AGRN: variants seen among roughly 807,000 people sequenced by gnomAD.
The protein encoded by AGRN is agrin proteoglycan.
In AGRN, 106 loss-of-function variants were observed where a neutral mutation model predicts 211.0. The observed-to-expected ratio is 0.50, with a 90% CI of 0.43 to 0.59. The LOEUF (loss-of-function observed/expected upper bound fraction) is 0.59, where lower values mean the gene tolerates loss of function less well. AGRN is among the 20% of genes least tolerant of loss of function. The pLI, the probability that AGRN is intolerant of heterozygous loss-of-function variation, is 0.00. For missense variants in AGRN, 3,040 were observed against 2,982.6 expected, an observed-to-expected ratio of 1.02 and a Z score of -0.45; for synonymous variants, 1,525 against 1,332.5, an observed-to-expected ratio of 1.14 and a Z score of -3.15.
At chr1:1,049,085 G>GCGATGGTCCTGA (rs1645191102) in intron 24 of AGRN, 26 bp downstream of exon 24, 2 of 1,430,996 alleles carry the variant, frequency 1.4e-6, no homozygotes, top group Non-Finnish European at 9.3e-7. Flanking sequence ...ACGGGGCCGG[G>GCGATGGTCCTGA]GCAGCTCAGG....
intron 2 of AGRN, among the ~76,000 whole-genome samples, chr1:1,029,850 C>CTG: frequency 1.5e-5 from 1 of 65,414 alleles, no homozygotes; most frequent in Non-Finnish European, 3.1e-5. Flanking sequence ...GTGCATGGTG[C>CTG]TGTGAGATCA....
At chr1:1,034,634 T>G (rs918219340) in intron 2 of AGRN, 2 of 987,624 alleles carry the variant, frequency 2.0e-6, no homozygotes, top group Admixed American at 1.2e-4. Flanking sequence ...CATGGTGCCC[T>G]GCAACGCCTG....
At chr1:1,042,742 G>GC (rs1644979370) in intron 7 of AGRN, among the ~76,000 whole-genome samples, 1 of 152,200 alleles carries the variant, frequency 6.6e-6, no homozygotes, top group Non-Finnish European at 1.5e-5. Context: ...GGAGCCCGCA[G>GC]CCCGAGGTCT....
chr1:1,054,828 C>G lies in AGRN; in HGVS notation c.5985C>G (p.Gly1995=), dbSNP rs956106393. ...CTCCCACTGTCTGTGCTGCAGGGGG[C>G]CTGCCGGAGCTGCCCGTGGGCCCAG... The part of the protein sequence containing the change: ...LDTDGALWLG[G]LPELPVGPAL... The change falls in exon 36 of 36, where the codon GGC becomes GGG. Residue 1995 remains glycine, a synonymous_variant. Transcript: ENST00000379370. 1.3e-6 allele frequency: 2 copies of G among 1,556,772 alleles called. No homozygotes were observed. The highest frequency in any genetic ancestry group is 8.7e-7 in the Non-Finnish European group (1 of 1,152,796).
intron 2 of AGRN, among the ~76,000 whole-genome samples, chr1:1,025,616 CT>C (rs1158427344): frequency 2.0e-5 from 3 of 152,152 alleles, no homozygotes; most frequent in Admixed American, 6.5e-5. Flanking sequence ...ATCCTGCCCC[CT>C]GGTTCCCCCA....
At position 1,049,219 on chromosome 1, in the gene AGRN, C is replaced by T. The variant is rs1452685701; in HGVS notation, c.4299-17C>T. ...CGGGGCCGGGCGATGGTCCTGAGCACCTGCTCCTGCCCTCAGGTTTGACAC... is the reference window on the plus strand; with the variant it reads ...CGGGGCCGGGCGATGGTCCTGAGCATCTGCTCCTGCCCTCAGGTTTGACAC... On this transcript the variant is annotated splice_polypyrimidine_tract_variant and intron_variant, in intron 24 of 35. Coordinates refer to ENST00000379370, the MANE Select transcript of AGRN (RefSeq NM_198576.4). 2 of 1,558,862 alleles carry T rather than the reference C, an allele frequency of 1.3e-6. No individual in the cohort carries two copies. The highest frequency in any genetic ancestry group is 1.7e-6 in the Non-Finnish European group (2 of 1,159,228).
At position 1,044,428 on chromosome 1, in the gene AGRN, G is replaced by A. The variant is rs758309910; in HGVS notation, c.2243G>A (p.Gly748Glu). The change falls in exon 12 of 36, where the codon GGA becomes GAA. Residue 748 changes from glycine to glutamate, a missense_variant. Physicochemically the swap from Gly to Glu is moderately conservative, Grantham distance 98. This residue lies in a region of AGRN where 1,498 missense variants were observed against 1,457.8 expected (regional missense o/e 1.03). Transcript: ENST00000379370. ...SQRGLYVAAQ[G>E]ACRGPTFAPL... is the part of the protein sequence containing the mutation. ...CGAGGGCTCTACGTAGCGGCCCAGG[G>A]AGCCTGCCGAGGTGAGCCGGCTGCA... 4 of 1,608,920 alleles carry A rather than the reference G, an allele frequency of 2.5e-6. No homozygotes were observed. Among genetic ancestry groups the A allele is most frequent in the Non-Finnish European group, 3.4e-6 (4 of 1,178,180 alleles).
intron 33 of AGRN, chr1:1,053,243 C>A: frequency 3.1e-6 from 1 of 319,880 alleles, no homozygotes. Flanking sequence ...TCAAGTGTCT[C>A]GTGTCTGCAC....
At chr1:1,047,240 C>T in intron 19 of AGRN, 87 bp from the exon 20 acceptor site, 3 of 1,525,878 alleles carry the variant, frequency 2.0e-6, no homozygotes, top group Non-Finnish European at 2.6e-6. Context: ...CCCTTGCACC[C>T]TTGTGGCTTG....
intron 1 of AGRN, among the ~76,000 whole-genome samples, chr1:1,021,190 G>T (rs1022856670): frequency 6.6e-6 from 1 of 152,190 alleles, no homozygotes; most frequent in Non-Finnish European, 1.5e-5. Context: ...GCTACAGCTG[G>T]GCTCCCCCGC....
At position 1,051,857 on chromosome 1, in the gene AGRN, C is replaced by T. The variant is rs771176917; in HGVS notation, c.5651+42C>T. On this transcript the variant is annotated intron_variant, in intron 33 of 35. Coordinates refer to ENST00000379370, the MANE Select transcript of AGRN (RefSeq NM_198576.4). ...TGCTGGCTGTCGGTTCCATCTGTGC[C>T]CTCGGGGCGGGACACCGGACCCCCA... The T allele has an allele frequency of 3.1e-6, 5 of 1,610,798 alleles. No individual in the cohort carries two copies. In the Admixed American group the frequency reaches 8.4e-5, roughly 27 times the overall value.
At position 1,041,578 on chromosome 1, in the gene AGRN, C is replaced by T. The variant is rs1339749561; in HGVS notation, c.1053C>T (p.Ala351=). ...TCCTACGGCCCGAGAGCTGCCCTGCCCGGCAGGCGCCAGTGTGTGGGGACG... is the reference window on the plus strand; with the variant it reads ...TCCTACGGCCCGAGAGCTGCCCTGCTCGGCAGGCGCCAGTGTGTGGGGACG... ...EMLLRPESCP[A]RQAPVCGDDG... is the part of the protein sequence containing the mutation. Residue 351 remains alanine (A), a synonymous_variant, in exon 6 of 36, where the codon GCC becomes GCT. Transcript: ENST00000379370. The T allele has an allele frequency of 6.2e-6, 10 of 1,610,396 alleles. No homozygotes were observed. In the Admixed American group the frequency reaches 1.7e-4, roughly 27 times the overall value.
At position 1,045,865 on chromosome 1, in the gene AGRN, G is replaced by T; in HGVS notation, c.2669G>T (p.Gly890Val). 2.5e-6 allele frequency: 4 copies of T among 1,610,886 alleles called. No homozygotes were observed. The highest frequency in any genetic ancestry group is 3.4e-6 in the Non-Finnish European group (4 of 1,179,848). ...GACGGCCGTGCCCTGGGCCCCGCGG[G>T]CTGTGAAGCTGGTGAGTGAGGGCCA... ...CPDGRALGPAGCEADASAPAT... is the reference protein window; with the variant it reads ...CPDGRALGPAVCEADASAPAT... Residue 890 changes from glycine (G) to valine (V), a missense_variant, in exon 15 of 36, where the codon GGC becomes GTC. Gly to Val is a moderately radical substitution (Grantham distance 109). Transcript: ENST00000379370.
In AGRN at chr1:1,041,362, A is replaced by T. The variant is rs1464707331; in HGVS notation, c.917A>T (p.Gln306Leu). 3 of 1,536,424 alleles carry T rather than the reference A, an allele frequency of 2.0e-6. No homozygotes were observed. In the African/African-American group the frequency reaches 4.1e-5, roughly 21 times the overall value. ...CQLLRRACAR[Q>L]ENVFKKFDGP... is the part of the protein sequence containing the mutation. Reference sequence around the variant, plus strand: ...CTCCTGCGCCGCGCCTGCGCCCGCCAGGAGAATGTCTTCAAGAAGTTCGAC... The same window carrying T: ...CTCCTGCGCCGCGCCTGCGCCCGCCTGGAGAATGTCTTCAAGAAGTTCGAC... The change falls in exon 5 of 36, where the codon CAG becomes CTG. Residue 306 changes from glutamine (Q) to leucine (L), a missense_variant. Coordinates refer to ENST00000379370, the MANE Select transcript of AGRN (RefSeq NM_198576.4).
Position 1,045,881 on chromosome 1 carries a change from G to A in AGRN, c.2680+5G>A. On this transcript the variant is annotated splice_donor_5th_base_variant and intron_variant, in intron 15 of 35. Transcript: ENST00000379370. ...GCCCCGCGGGCTGTGAAGCTGGTGA[G>A]TGAGGGCCAGCGCTACCCTGGGGCT... 1 of 1,610,562 alleles carries A rather than the reference G, an allele frequency of 6.2e-7. No homozygotes were observed. The highest frequency in any genetic ancestry group is 8.5e-7 in the Non-Finnish European group (1 of 1,179,888).
At chr1:1,035,142 A>T in intron 2 of AGRN, 135 bp from the exon 3 acceptor site, 2 of 1,007,608 alleles carry the variant, frequency 2.0e-6, no homozygotes, top group Non-Finnish European at 3.0e-6. Flanking sequence ...TGGACCCTTC[A>T]GCAGCCTGGA....
intron 25 of AGRN, 46 bp downstream of exon 25, chr1:1,049,497 G>T (rs1310850267): frequency 6.3e-7 from 1 of 1,599,014 alleles, no homozygotes; most frequent in African/African-American, 1.3e-5. Flanking sequence ...GGCCCTTTGG[G>T]GTCCCGGTGT....
chr1:1,025,844 G>A (rs927442965), intron 2 of AGRN, among the ~76,000 whole-genome samples: 1 of 151,974 alleles, frequency 6.6e-6, no homozygotes, highest in Non-Finnish European at 1.5e-5. Flanking sequence ...GCTGGGAGGG[G>A]GGTCTGCCGG....
In AGRN at chr1:1,020,232, C is replaced by T. The variant is rs1338706370; in HGVS notation, c.60C>T (p.Ala20=). The part of the protein sequence containing the change: ...LRPLLPLLVV[A]ACVLPGAGGT... The stretch of plus-strand genomic sequence containing the variant: ...CGCTGCTGCCGCTCCTTGTGGTGGC[C>T]GCGTGCGTCCTGCCCGGAGCCGGCG... Residue 20 remains alanine, a synonymous_variant, in exon 1 of 36, where the codon GCC becomes GCT. Coordinates refer to ENST00000379370, the MANE Select transcript of AGRN (RefSeq NM_198576.4). 1 of 1,426,556 alleles carries T rather than the reference C, an allele frequency of 7.0e-7. No individual in the cohort carries two copies. The highest frequency in any genetic ancestry group is 3.1e-5 in the East Asian group (1 of 32,186). The allele number at this position is 1,426,556 out of a possible 1,614,324, so 88.4% of individuals were successfully genotyped here.
Sources: gnomAD v4.1 joint callset for allele counts (sites outside exome capture counted in the v4.1 genomes callset) on GRCh38, gnomAD v4.1.1 for gene constraint, gnomAD v4.1.1 regional missense constraint, MANE v1.5 for transcripts, NCBI Gene and HGNC (gene_info 2026-07-23, HGNC 2026-07-21) for gene names.